The following CAMK1D variants were observed in gnomAD, a reference collection of about 807,000 sequenced individuals.
CAMK1D encodes the protein calcium/calmodulin-dependent protein kinase type 1D.
CAMK1D carries 9 observed loss-of-function variants against 47.7 expected under a neutral mutation model. That is an observed-to-expected ratio of 0.19 (90% CI 0.11 to 0.33). The LOEUF (loss-of-function observed/expected upper bound fraction) is 0.33. Among genes scored for constraint, CAMK1D ranks in the 10% least tolerant of loss-of-function variants. CAMK1D has a pLI of 1.00. For synonymous variants in CAMK1D, 184 were observed against 184.9 expected (o/e 0.99, Z 0.04); for missense variants, 291 against 488.7 (o/e 0.60, Z 3.81).
chr10:12,545,048 C>CTG (rs1836317449), intron 1 of CAMK1D, among the ~76,000 whole-genome samples: 1 of 152,096 alleles, frequency 6.6e-6, no homozygotes, highest in African/African-American at 2.4e-5. Context: ...CCAGTTGGTA[C>CTG]AAGTATTATT....
At chr10:12,793,047 C>T (rs1400007479) in intron 6 of CAMK1D, among the ~76,000 whole-genome samples, 1 of 152,062 alleles carries the variant, frequency 6.6e-6, no homozygotes, top group Non-Finnish European at 1.5e-5. Flanking sequence ...GGTAAGCAGA[C>T]ACTGGACAGG....
At chr10:12,738,829 C>CT (rs1350501122) in intron 3 of CAMK1D, among the ~76,000 whole-genome samples, 1 of 152,004 alleles carries the variant, frequency 6.6e-6, no homozygotes, top group Non-Finnish European at 1.5e-5. Context: ...AAGACTCTGT[C>CT]TCTAAATAAA....
At chr10:12,816,641 T>C (rs1564584263) in intron 8 of CAMK1D, among the ~76,000 whole-genome samples, 1 of 151,514 alleles carries the variant, frequency 6.6e-6, no homozygotes. Context: ...GAGGCTGAGG[T>C]GGGTGGATCA....
At chr10:12,682,270 T>A (rs538757255) in intron 3 of CAMK1D, among the ~76,000 whole-genome samples, 93 of 152,294 alleles carry the variant, frequency 6.1e-4, no homozygotes, top group African/African-American at 2.2e-3. Flanking sequence ...CATTCTGTGA[T>A]TGTGTCTTCT....
chr10:12,670,789 T>A (rs888886817), intron 3 of CAMK1D, among the ~76,000 whole-genome samples: 2 of 152,178 alleles, frequency 1.3e-5, no homozygotes, highest in Non-Finnish European at 2.9e-5. Context: ...CCTCAGGTGA[T>A]CCACCCACCT....
At chr10:12,392,717 A>G (rs1262622085) in intron 1 of CAMK1D, among the ~76,000 whole-genome samples, 1 of 152,164 alleles carries the variant, frequency 6.6e-6, no homozygotes, top group East Asian at 1.9e-4. Flanking sequence ...TATTGAGCAT[A>G]GTCACTATGT....
At chr10:12,378,716 G>C (rs1306841295) in intron 1 of CAMK1D, among the ~76,000 whole-genome samples, 1 of 151,414 alleles carries the variant, frequency 6.6e-6, no homozygotes, top group African/African-American at 2.4e-5. Context: ...GGTTAAGAAA[G>C]TTTATTGAGC....
chr10:12,522,190 C>CTTT (rs1564388671), intron 1 of CAMK1D, among the ~76,000 whole-genome samples: 2 of 37,118 alleles, frequency 5.4e-5, no homozygotes, highest in Non-Finnish European at 1.3e-4. Context: ...TGATATATTT[C>CTTT]CTTTTTTTTT....
chr10:12,443,532 G>A (rs1172988017), intron 1 of CAMK1D, among the ~76,000 whole-genome samples: 2 of 152,220 alleles, frequency 1.3e-5, no homozygotes, highest in African/African-American at 2.4e-5. Context: ...TGAGTTTATA[G>A]AGTAAAGTGA....
chr10:12,823,507 A>G (rs367916218), intron 8 of CAMK1D, among the ~76,000 whole-genome samples: 8 of 151,870 alleles, frequency 5.3e-5, no homozygotes, highest in African/African-American at 1.5e-4. Context: ...GAGGGAAGGA[A>G]GAGCTGGGAG....
chr10:12,656,407 A>T (rs1431907069), intron 2 of CAMK1D, among the ~76,000 whole-genome samples: 18 of 152,132 alleles, frequency 1.2e-4, no homozygotes, highest in Admixed American at 1.2e-3. Flanking sequence ...TGGGAGGATC[A>T]CTTGAGCCTG....
chr10:12,796,729 G>A (rs1156241386), intron 6 of CAMK1D, among the ~76,000 whole-genome samples: 5 of 152,136 alleles, frequency 3.3e-5, no homozygotes, highest in Non-Finnish European at 4.4e-5. Context: ...ACAGTCGCCT[G>A]CTTATATTCA....
At chr10:12,406,211 C>T (rs1419105050) in intron 1 of CAMK1D, among the ~76,000 whole-genome samples, 1 of 152,160 alleles carries the variant, frequency 6.6e-6, no homozygotes, top group Admixed American at 6.5e-5. Context: ...TTCAGCTTCC[C>T]TGACTCCTAC....
chr10:12,529,742 G>A (rs886155472), intron 1 of CAMK1D, among the ~76,000 whole-genome samples: 9 of 152,144 alleles, frequency 5.9e-5, no homozygotes, highest in Non-Finnish European at 1.0e-4. Flanking sequence ...TTAAGCAAAC[G>A]TAATTTAAAA....
intron 1 of CAMK1D, among the ~76,000 whole-genome samples, chr10:12,498,091 A>G (rs1000227352): frequency 5.9e-5 from 9 of 152,246 alleles, no homozygotes; most frequent in East Asian, 3.8e-4. Context: ...TTATGATTCA[A>G]TTACCTCCCA....
At chr10:12,769,921 C>A in intron 5 of CAMK1D, 122 bp downstream of exon 5, 1 of 1,013,018 alleles carries the variant, frequency 9.9e-7, no homozygotes, top group Non-Finnish European at 1.5e-6. Flanking sequence ...ATCACAGCTG[C>A]CTTCACTTCC....
At chr10:12,478,674 T>C (rs1338911781) in intron 1 of CAMK1D, among the ~76,000 whole-genome samples, 1 of 152,162 alleles carries the variant, frequency 6.6e-6, no homozygotes, top group Non-Finnish European at 1.5e-5. Flanking sequence ...GGTGGGGATC[T>C]CTGTGGATCT....
At chr10:12,492,095 A>G (rs1325445251) in intron 1 of CAMK1D, among the ~76,000 whole-genome samples, 2 of 151,608 alleles carry the variant, frequency 1.3e-5, no homozygotes, top group Non-Finnish European at 2.9e-5. Context: ...TGTTTAATGC[A>G]TTTCTGACTG....
At chr10:12,828,668 G>A (rs749957652) in intron 10 of CAMK1D, 101 bp from the exon 11 acceptor site, 56 of 554,144 alleles carry the variant, frequency 1.0e-4, no homozygotes, top group East Asian at 8.0e-4. Flanking sequence ...GGGCCCCCCC[G>A]CCCCCCACCA....
Sources: gnomAD v4.1 joint callset for allele counts (sites outside exome capture counted in the v4.1 genomes callset) on GRCh38, gnomAD v4.1.1 for gene constraint, MANE v1.5 for transcripts, NCBI Gene and HGNC (gene_info 2026-07-23, HGNC 2026-07-21) for gene names.